Variants in NDST4 observed in about 807,000 individuals in gnomAD.
The protein encoded by NDST4 is N-heparan sulfate sulfotransferase 4.
A neutral mutation model predicts 100.8 loss-of-function variants in NDST4; 63 were observed. The ratio of observed to expected loss-of-function variants is 0.62; its 90% CI spans 0.51 to 0.77. NDST4 has a LOEUF of 0.77. Among genes scored for constraint, NDST4 ranks in the 30% least tolerant of loss-of-function variants. NDST4 has a pLI of 0.00. For missense variants in NDST4, 943 were observed against 1,018.4 expected, an observed-to-expected ratio of 0.93 and a Z score of 1.01; for synonymous variants, 377 against 361.8, an observed-to-expected ratio of 1.04 and a Z score of -0.48.
At chr4:114,998,763 T>G (rs2126254880) in intron 2 of NDST4, among the ~76,000 whole-genome samples, 1 of 152,190 alleles carries the variant, frequency 6.6e-6, no homozygotes, top group East Asian at 1.9e-4. Context: ...CCTGGGAAAC[T>G]GCTTCATGGT....
At chr4:114,871,223 T>C (rs1724143119) in intron 6 of NDST4, among the ~76,000 whole-genome samples, 1 of 152,150 alleles carries the variant, frequency 6.6e-6, no homozygotes, top group Non-Finnish European at 1.5e-5. Flanking sequence ...GTGGAGCCAA[T>C]ACCATCAAAC....
At chr4:114,952,524 C>T (rs886462915) in intron 4 of NDST4, among the ~76,000 whole-genome samples, 1 of 152,058 alleles carries the variant, frequency 6.6e-6, no homozygotes, top group Non-Finnish European at 1.5e-5. Flanking sequence ...CATGATATAA[C>T]ACATGACAAG....
intron 4 of NDST4, among the ~76,000 whole-genome samples, chr4:114,965,961 G>A (rs765705913): frequency 2.0e-5 from 3 of 151,836 alleles, no homozygotes; most frequent in Non-Finnish European, 4.4e-5. Context: ...TGTTATTGAA[G>A]CTTTGCATCT....
chr4:114,986,685 T>A (rs895244852), intron 2 of NDST4, among the ~76,000 whole-genome samples: 2 of 151,030 alleles, frequency 1.3e-5, no homozygotes, highest in Admixed American at 1.3e-4. Flanking sequence ...ATCAAGTTAG[T>A]ATATTTGAAT....
chr4:115,042,544 T>C (rs1728373439), intron 2 of NDST4, among the ~76,000 whole-genome samples: 2 of 152,142 alleles, frequency 1.3e-5, no homozygotes, highest in Admixed American at 6.6e-5. Flanking sequence ...AATTGTTCTA[T>C]TTTATTATCT....
intron 2 of NDST4, among the ~76,000 whole-genome samples, chr4:114,989,607 T>C (rs1008118514): frequency 6.6e-6 from 1 of 152,160 alleles, no homozygotes; most frequent in Non-Finnish European, 1.5e-5. Flanking sequence ...TCATGATTTA[T>C]ACCTTAAATA....
intron 4 of NDST4, among the ~76,000 whole-genome samples, chr4:114,955,555 T>C (rs1394015577): frequency 6.6e-6 from 1 of 152,004 alleles, no homozygotes; most frequent in East Asian, 1.9e-4. Flanking sequence ...AGAGTGGAAA[T>C]TAAAAGCAAT....
intron 2 of NDST4, among the ~76,000 whole-genome samples, chr4:114,983,380 C>G (rs1361132894): frequency 3.3e-5 from 5 of 152,204 alleles, no homozygotes; most frequent in Non-Finnish European, 7.3e-5. Flanking sequence ...TGGGAGTCCA[C>G]CCCTTGAATC....
At chr4:114,944,821 A>G (rs919857626) in intron 4 of NDST4, among the ~76,000 whole-genome samples, 4 of 152,198 alleles carry the variant, frequency 2.6e-5, no homozygotes, top group African/African-American at 9.6e-5. Context: ...GGTAGAAGAA[A>G]CGATAGGTGA....
chr4:115,066,294 T>C (rs1290905600), intron 2 of NDST4, among the ~76,000 whole-genome samples: 2 of 152,222 alleles, frequency 1.3e-5, no homozygotes, highest in Non-Finnish European at 1.5e-5. Context: ...TGGCAATTTT[T>C]TAAGTGGAGA....
rs951213261 is a variant in NDST4, at chr4:114,834,419, C to T, written c.2287-704G>A. Among the ~76,000 whole-genome samples, 3 of 146,636 alleles carry T rather than the reference C, an allele frequency of 2.0e-5. 1 individual carries two copies. Among genetic ancestry groups the T allele is most frequent in the African/African-American group, 7.6e-5 (3 of 39,468 alleles). On this transcript the variant is annotated intron_variant, in intron 11 of 13. Coordinates refer to ENST00000264363, the MANE Select transcript of NDST4 (RefSeq NM_022569.3). ...GTCCCAGCTACATGGGAGGCTGAGACAGGAGCATTGCTTGAACCCAGGAGG... is the reference window on the plus strand; with the variant it reads ...GTCCCAGCTACATGGGAGGCTGAGATAGGAGCATTGCTTGAACCCAGGAGG...
At chr4:114,929,100 C>CGAT (rs1560817042) in intron 6 of NDST4, among the ~76,000 whole-genome samples, 8 of 134,532 alleles carry the variant, frequency 5.9e-5, no homozygotes, top group African/African-American at 1.6e-4. Flanking sequence ...ATCCATCCAT[C>CGAT]CATCCATCCA....
chr4:115,003,941 T>C (rs1457714608), intron 2 of NDST4, among the ~76,000 whole-genome samples: 1 of 152,100 alleles, frequency 6.6e-6, no homozygotes. Flanking sequence ...TTTAAATAGA[T>C]GTTTCCCCTT....
intron 2 of NDST4, among the ~76,000 whole-genome samples, chr4:115,053,459 C>T (rs1217718705): frequency 1.3e-5 from 2 of 151,916 alleles, no homozygotes; most frequent in Non-Finnish European, 2.9e-5. Context: ...AAAGTATATA[C>T]TCCTGCATAT....
At chr4:114,913,401 T>C (rs1330538582) in intron 6 of NDST4, among the ~76,000 whole-genome samples, 1 of 152,026 alleles carries the variant, frequency 6.6e-6, no homozygotes, top group African/African-American at 2.4e-5. Flanking sequence ...CAAACTTTGG[T>C]ATATAAAATA....
chr4:114,951,470 A>C (rs1432457218), intron 4 of NDST4, among the ~76,000 whole-genome samples: 1 of 152,212 alleles, frequency 6.6e-6, no homozygotes, highest in East Asian at 1.9e-4. Flanking sequence ...TAATGATAGC[A>C]TGCTTCTTGA....
chr4:114,919,622 G>A (rs975146842), intron 6 of NDST4, among the ~76,000 whole-genome samples: 21 of 152,208 alleles, frequency 1.4e-4, no homozygotes, highest in Non-Finnish European at 1.5e-4. Context: ...AATGCAGAGA[G>A]GGCGGCAGAG....
At position 115,053,059 on chromosome 4, in the gene NDST4, G is replaced by T. The variant is rs1011310189; in HGVS notation, c.978+23000C>A. 5.9e-5 allele frequency among the ~76,000 whole-genome samples: 9 copies of T among 152,150 alleles called. No individual in the cohort carries two copies. The South Asian group carries it at 1.7e-3, about 28-fold the overall frequency. ...GAAATAAGACTTTTTGGAAAAATTA[G>T]GGTGGCGAGCATGTGCTGAAATATC... is the stretch of plus-strand genomic sequence containing the variant. On this transcript the variant is annotated intron_variant, in intron 2 of 13. Transcript: ENST00000264363.
At position 114,919,244 on chromosome 4, in the gene NDST4, T is replaced by C. The variant is rs140403547; in HGVS notation, c.1536+15962A>G. On this transcript the variant is annotated intron_variant, in intron 6 of 13. Coordinates refer to ENST00000264363, the MANE Select transcript of NDST4 (RefSeq NM_022569.3). ...AATGTGGCTGGGCTTACTGAGCTAA[T>C]GTGGAGTTGATTGTTGGTGATATGA... is the stretch of plus-strand genomic sequence containing the variant. Among the ~76,000 whole-genome samples, 4 of 152,258 alleles carry C rather than the reference T, an allele frequency of 2.6e-5. No individual in the cohort carries two copies. In the East Asian group the frequency reaches 7.7e-4, roughly 29 times the overall value.
Sources: gnomAD v4.1 joint callset for allele counts (sites outside exome capture counted in the v4.1 genomes callset) on GRCh38, gnomAD v4.1.1 for gene constraint, MANE v1.5 for transcripts, NCBI Gene and HGNC (gene_info 2026-07-23, HGNC 2026-07-21) for gene names.